The following ATP6V1A variants were observed in gnomAD, a reference collection of about 807,000 sequenced individuals.
ATP6V1A encodes the protein V-type proton ATPase catalytic subunit A.
A neutral mutation model predicts 70.1 loss-of-function variants in ATP6V1A; 18 were observed. That is an observed-to-expected ratio of 0.26 (90% confidence interval 0.18 to 0.38). The LOEUF (loss-of-function observed/expected upper bound fraction) is 0.38. Among genes scored for constraint, ATP6V1A ranks in the 10% least tolerant of loss-of-function variants. The pLI is 1.00. For synonymous variants in ATP6V1A, 232 were observed against 253.8 expected (o/e 0.91, Z 0.82); for missense variants, 424 against 772.4 (o/e 0.55, Z 5.35).
At chr3:113,787,421 A>G (rs1354345056) in intron 6 of ATP6V1A, among the ~76,000 whole-genome samples, 1 of 152,196 alleles carries the variant, frequency 6.6e-6, no homozygotes, top group Non-Finnish European at 1.5e-5. Flanking sequence ...GCAGGGGGAA[A>G]ATGCCCTGTT....
chr3:113,805,015 A>G (rs1219619635), intron 13 of ATP6V1A, among the ~76,000 whole-genome samples: 4 of 152,220 alleles, frequency 2.6e-5, no homozygotes, highest in Non-Finnish European at 4.4e-5. Flanking sequence ...TGCATTGTAC[A>G]AAAACAAACC....
intron 8 of ATP6V1A, among the ~76,000 whole-genome samples, chr3:113,791,321 C>T (rs1384335191): frequency 6.6e-6 from 1 of 150,478 alleles, no homozygotes; most frequent in Non-Finnish European, 1.5e-5. Flanking sequence ...GTTCTTTCAG[C>T]TCATCAAGTA....
intron 1 of ATP6V1A, among the ~76,000 whole-genome samples, chr3:113,752,449 T>G (rs1708597778): frequency 6.6e-6 from 1 of 152,014 alleles, no homozygotes; most frequent in African/African-American, 2.4e-5. Context: ...AAATTAAAAT[T>G]TATTACTATA....
At chr3:113,798,206 A>G (rs1198806671) in intron 11 of ATP6V1A, 37 bp from the exon 12 acceptor site, 15 of 1,599,100 alleles carry the variant, frequency 9.4e-6, no homozygotes, top group Admixed American at 3.4e-5. Flanking sequence ...TTTTTGAGAA[A>G]AATTACTGTT....
At chr3:113,791,636 G>A (rs1371631464) in intron 8 of ATP6V1A, among the ~76,000 whole-genome samples, 2 of 152,218 alleles carry the variant, frequency 1.3e-5, no homozygotes, top group African/African-American at 2.4e-5. Flanking sequence ...GCATGCAGCT[G>A]TGTAAAAAAG....
At chr3:113,771,060 A>G (rs1271221593) in intron 1 of ATP6V1A, among the ~76,000 whole-genome samples, 4 of 151,484 alleles carry the variant, frequency 2.6e-5, no homozygotes, top group Non-Finnish European at 5.9e-5. Flanking sequence ...ATGCCACTGC[A>G]CTCCAGCCTG....
At chr3:113,803,335 T>A (rs888623449) in intron 12 of ATP6V1A, 1 of 312,220 alleles carries the variant, frequency 3.2e-6, no homozygotes, top group Non-Finnish European at 5.9e-6. Flanking sequence ...GAGATTTGTT[T>A]CACAGTAATG....
intron 12 of ATP6V1A, among the ~76,000 whole-genome samples, chr3:113,799,013 G>T (rs1709182650): frequency 6.6e-6 from 1 of 152,122 alleles, no homozygotes; most frequent in Non-Finnish European, 1.5e-5. Context: ...TTAGGAGATA[G>T]CTAACATTCT....
At chr3:113,748,116 A>G (rs1577077037) in intron 1 of ATP6V1A, among the ~76,000 whole-genome samples, 1 of 152,272 alleles carries the variant, frequency 6.6e-6, no homozygotes, top group East Asian at 1.9e-4. Context: ...TAGCATTTGT[A>G]TCCCTCTTTA....
At chr3:113,747,807 T>G (rs1559745708) in intron 1 of ATP6V1A, among the ~76,000 whole-genome samples, 1 of 152,208 alleles carries the variant, frequency 6.6e-6, no homozygotes, top group African/African-American at 2.4e-5. Flanking sequence ...CAGTCTCGAT[T>G]GAATGAGGAG....
At chr3:113,776,810 T>C (rs941162622) in intron 1 of ATP6V1A, among the ~76,000 whole-genome samples, 2 of 152,214 alleles carry the variant, frequency 1.3e-5, no homozygotes, top group Non-Finnish European at 2.9e-5. Context: ...TCTAATATAG[T>C]CTTTATACCA....
At position 113,808,353 on chromosome 3, in the gene ATP6V1A, G is replaced by A. The variant is rs62268176; in HGVS notation, c.1762-982G>A. Reference sequence around the variant, plus strand: ...TGTCACTAGGCTGGAGTGCAGTGACGCGATCTCAGCTCACTGCAACCTCCG... The same window carrying A: ...TGTCACTAGGCTGGAGTGCAGTGACACGATCTCAGCTCACTGCAACCTCCG... On this transcript the variant is annotated intron_variant, in intron 14 of 14. Transcript: ENST00000273398. Among the ~76,000 whole-genome samples, 1,092 of 135,238 alleles carry A rather than the reference G, an allele frequency of 8.1e-3. 10 individuals carry two copies. The highest frequency in any genetic ancestry group is 0.016 in the Middle Eastern group (4 of 248). 88.7% of individuals were successfully genotyped at this position (135,238 alleles called of 152,430 possible). A position where few individuals can be genotyped will look rare whatever the true frequency, so the allele number is the denominator to read the frequency against.
chr3:113,807,080 T>G (rs1235494282), intron 14 of ATP6V1A, among the ~76,000 whole-genome samples: 1 of 152,076 alleles, frequency 6.6e-6, no homozygotes, highest in Non-Finnish European at 1.5e-5. Flanking sequence ...ATTTACACCT[T>G]TTTAGTCTTG....
At chr3:113,775,357 G>A (rs1158295363) in intron 1 of ATP6V1A, among the ~76,000 whole-genome samples, 1 of 151,714 alleles carries the variant, frequency 6.6e-6, no homozygotes. Context: ...AGCCTCCTGA[G>A]TAGCTGGAAT....
At chr3:113,777,119 T>C (rs1296473006) in intron 1 of ATP6V1A, among the ~76,000 whole-genome samples, 1 of 152,194 alleles carries the variant, frequency 6.6e-6, no homozygotes, top group Non-Finnish European at 1.5e-5. Flanking sequence ...TAATAGTTAT[T>C]AAGGTAGATC....
intron 8 of ATP6V1A, among the ~76,000 whole-genome samples, chr3:113,792,493 A>T (rs766101753): frequency 6.6e-6 from 1 of 152,084 alleles, no homozygotes; most frequent in African/African-American, 2.4e-5. Context: ...ATGAGCCACC[A>T]TGCCTGGCTA....
chr3:113,775,701 C>T (rs1227659375), intron 1 of ATP6V1A, among the ~76,000 whole-genome samples: 1 of 152,196 alleles, frequency 6.6e-6, no homozygotes, highest in Non-Finnish European at 1.5e-5. Context: ...GACCCAAGAT[C>T]TCATGCTGTT....
At chr3:113,772,226 A>G (rs1250552258) in intron 1 of ATP6V1A, among the ~76,000 whole-genome samples, 1 of 152,126 alleles carries the variant, frequency 6.6e-6, no homozygotes, top group African/African-American at 2.4e-5. Context: ...GCAAGGCAGC[A>G]CTCTGCATCT....
rs962706106 is a variant in ATP6V1A at position 113,794,008 on chromosome 3, C to T, written c.989-864C>T. The stretch of plus-strand genomic sequence containing the variant: ...ACAAGTATATAGGGCAGGCGTTATT[C>T]CATTTTTAATAGGTTAGGAAGCCAC... On this transcript the variant is annotated intron_variant, in intron 8 of 14. Transcript: ENST00000273398. Among the ~76,000 whole-genome samples the T allele has an allele frequency of 4.6e-5, 7 of 152,154 alleles. No homozygotes were observed. The East Asian group carries it at 1.2e-3, about 25-fold the overall frequency.
Sources: allele counts gnomAD v4.1 joint callset (sites outside exome capture counted in the v4.1 genomes callset), GRCh38; gene constraint gnomAD v4.1.1; transcripts MANE v1.5; gene names NCBI Gene and HGNC (gene_info 2026-07-23, HGNC 2026-07-21).